Variants in ANO2 observed in about 807,000 individuals in gnomAD.
ANO2 encodes anoctamin 2, also known as anoctamin-2.
Under a neutral mutation model 124.2 loss-of-function variants are expected in ANO2, and 101 were observed. That is an observed-to-expected ratio of 0.81 (90% CI 0.69 to 0.96). The LOEUF (loss-of-function observed/expected upper bound fraction) is 0.96, where lower values mean the gene tolerates loss of function less well. ANO2 is among the 40% of genes least tolerant of loss of function. ANO2 has a pLI of 0.00. For missense variants in ANO2, 1,293 were observed against 1,274.5 expected (o/e 1.01, Z -0.22); for synonymous variants, 486 against 482.5 (o/e 1.01, Z -0.09).
At chr12:5,743,472 C>CAT (rs1555154779) in intron 12 of ANO2, among the ~76,000 whole-genome samples, 1 of 149,454 alleles carries the variant, frequency 6.7e-6, no homozygotes, top group African/African-American at 2.5e-5. Flanking sequence ...TGAGAATAGG[C>CAT]GTGTGTGTGT....
intron 9 of ANO2, among the ~76,000 whole-genome samples, chr12:5,805,830 A>G (rs1953173602): frequency 6.6e-6 from 1 of 152,172 alleles, no homozygotes; most frequent in South Asian, 2.1e-4. Flanking sequence ...GCCATTGGAT[A>G]TATTTCAGAA....
At position 5,922,639 on chromosome 12, in the gene ANO2, T is replaced by C; in HGVS notation, c.188A>G (p.Glu63Gly). The part of the protein sequence containing the change: ...NRDPGQPCGG[E>G]STRSSSVINN... ...ACTCACAGAGCTGCTGCGGGTGCTC[T>C]CTCCACCGCAGGGCTGGCCAGGATC... The change falls in exon 2 of 25, where the codon GAG becomes GGG. Residue 63 changes from glutamate (E) to glycine (G), a missense_variant. Glu to Gly is a moderately conservative substitution (Grantham distance 98). Transcript: ENST00000682330. 1 of 1,458,900 alleles carries C rather than the reference T, an allele frequency of 6.9e-7. No individual in the cohort carries two copies. Among genetic ancestry groups the C allele is most frequent in the African/African-American group, 1.5e-5 (1 of 68,522 alleles). The allele number at this position is 1,458,900 out of a possible 1,614,324, so 90.4% of individuals were successfully genotyped here.
chr12:5,598,087 T>A (rs1943750365), intron 20 of ANO2, among the ~76,000 whole-genome samples: 1 of 152,180 alleles, frequency 6.6e-6, no homozygotes, highest in Non-Finnish European at 1.5e-5. Context: ...TGCCCATTAC[T>A]CCACTGCTAA....
intron 19 of ANO2, among the ~76,000 whole-genome samples, chr12:5,610,222 T>C (rs1944437372): frequency 7.7e-6 from 1 of 129,772 alleles, no homozygotes; most frequent in African/African-American, 3.0e-5. Flanking sequence ...TATATAAATA[T>C]ATACTTATAT....
At chr12:5,929,209 CCTT>C (rs1413877118) in intron 1 of ANO2, among the ~76,000 whole-genome samples, 1 of 136,540 alleles carries the variant, frequency 7.3e-6, no homozygotes, top group African/African-American at 3.1e-5. Context: ...CACTCGTCTA[CCTT>C]CTTTCCTTAT....
intron 12 of ANO2, among the ~76,000 whole-genome samples, chr12:5,742,265 T>C (rs1951119799): frequency 6.6e-6 from 1 of 152,166 alleles, no homozygotes; most frequent in Non-Finnish European, 1.5e-5. Context: ...ATCATGGTAA[T>C]GAGAGGCATT....
chr12:5,681,738 T>C (rs1948500902), intron 14 of ANO2, among the ~76,000 whole-genome samples: 1 of 152,218 alleles, frequency 6.6e-6, no homozygotes, highest in African/African-American at 2.4e-5. Flanking sequence ...TTACTACTCA[T>C]AGACCCCTGT....
chr12:5,673,339 C>T (rs372461704), intron 14 of ANO2, among the ~76,000 whole-genome samples: 14 of 152,192 alleles, frequency 9.2e-5, no homozygotes, highest in Admixed American at 8.5e-4. Context: ...GTCCTTCCCG[C>T]TTGTCTCCTG....
At chr12:5,655,716 T>C (rs1432442113) in intron 14 of ANO2, among the ~76,000 whole-genome samples, 2 of 152,312 alleles carry the variant, frequency 1.3e-5, no homozygotes, top group East Asian at 1.9e-4. Flanking sequence ...TCTATAGCCG[T>C]AGGACCTGAA....
At chr12:5,654,844 G>A (rs1947078008) in intron 14 of ANO2, among the ~76,000 whole-genome samples, 1 of 152,110 alleles carries the variant, frequency 6.6e-6, no homozygotes, top group Non-Finnish European at 1.5e-5. Context: ...CTGTGCCTGA[G>A]TTCTTCCAAC....
chr12:5,753,214 G>T (rs548484267), intron 10 of ANO2, among the ~76,000 whole-genome samples: 1 of 152,136 alleles, frequency 6.6e-6, no homozygotes, highest in East Asian at 1.9e-4. Flanking sequence ...GAATTTAAGG[G>T]CTTCAATATT....
intron 1 of ANO2, among the ~76,000 whole-genome samples, chr12:5,939,581 T>A (rs1372544669): frequency 6.6e-6 from 1 of 152,230 alleles, no homozygotes; most frequent in African/African-American, 2.4e-5. Flanking sequence ...AGATTTGACA[T>A]GAACAGTCAC....
At chr12:5,829,870 G>A (rs930225036) in intron 6 of ANO2, among the ~76,000 whole-genome samples, 9 of 152,076 alleles carry the variant, frequency 5.9e-5, no homozygotes, top group Non-Finnish European at 8.8e-5. Flanking sequence ...GAAGAGCTAC[G>A]GTCACAAGCG....
intron 7 of ANO2, 149 bp from the exon 8 acceptor site, chr12:5,807,517 C>T: frequency 1.7e-6 from 1 of 577,108 alleles, no homozygotes; most frequent in Middle Eastern, 2.8e-4. Flanking sequence ...AACTTTTTGT[C>T]AAGCTCTGGT....
At chr12:5,889,664 G>T (rs1361813613) in intron 3 of ANO2, among the ~76,000 whole-genome samples, 2 of 152,240 alleles carry the variant, frequency 1.3e-5, no homozygotes, top group Non-Finnish European at 2.9e-5. Flanking sequence ...CCCTGTGCTG[G>T]TAACAGCTGT....
intron 4 of ANO2, among the ~76,000 whole-genome samples, chr12:5,845,330 G>A (rs1334014675): frequency 6.6e-6 from 1 of 151,782 alleles, no homozygotes; most frequent in Non-Finnish European, 1.5e-5. Flanking sequence ...AACTTTGGGA[G>A]GCCGAGGCAG....
chr12:5,714,567 C>T (rs1045314955), intron 14 of ANO2, among the ~76,000 whole-genome samples: 1 of 152,130 alleles, frequency 6.6e-6, no homozygotes, highest in Admixed American at 6.5e-5. Flanking sequence ...ATATGGTGCT[C>T]GCTGTGGTCC....
chr12:5,588,318 G>A lies in ANO2; in HGVS notation c.2234-9800C>T, dbSNP rs147699288. Reference sequence around the variant, plus strand: ...TCCAAGACATGGGCCCTTCTGGAACGGGGGAGGTCTAGCCAGTTAGGAAGG... The same window carrying A: ...TCCAAGACATGGGCCCTTCTGGAACAGGGGAGGTCTAGCCAGTTAGGAAGG... On this transcript the variant is annotated intron_variant, in intron 20 of 24. Coordinates refer to ENST00000682330, the MANE Select transcript of ANO2 (RefSeq NM_001364791.2). Among the ~76,000 whole-genome samples the A allele has an allele frequency of 5.8e-3, 876 of 152,094 alleles. 9 individuals are homozygous for A. The highest frequency in any genetic ancestry group is 0.02 in the African/African-American group (813 of 41,344).
chr12:5,624,797 A>G (rs994381648), intron 16 of ANO2, among the ~76,000 whole-genome samples: 6 of 152,168 alleles, frequency 3.9e-5, no homozygotes, highest in African/African-American at 1.4e-4. Flanking sequence ...AGGAATATGT[A>G]GTGAAATGAG....
Sources: gnomAD v4.1 joint callset for allele counts (sites outside exome capture counted in the v4.1 genomes callset) on GRCh38, gnomAD v4.1.1 for gene constraint, MANE v1.5 for transcripts, NCBI Gene and HGNC (gene_info 2026-07-23, HGNC 2026-07-21) for gene names.